Variants in XKR9 observed in about 807,000 individuals in gnomAD.
The protein encoded by XKR9 is XK related 9.
Under a neutral mutation model 32.0 loss-of-function variants are expected in XKR9, and 32 were observed. The observed-to-expected ratio is 1.00, with a 90% confidence interval of 0.76 to 1.34. XKR9 has a LOEUF of 1.34. Ranked by LOEUF, XKR9 falls within the 40% of genes most tolerant of loss-of-function variation. The pLI is 0.00. For missense variants in XKR9, 546 were observed against 429.7 expected, an observed-to-expected ratio of 1.27 and a Z score of -2.39; for synonymous variants, 168 against 143.4, an observed-to-expected ratio of 1.17 and a Z score of -1.22.
At chr8:70,676,540 G>A (rs747257619) in intron 2 of XKR9, among the ~76,000 whole-genome samples, 13 of 152,094 alleles carry the variant, frequency 8.5e-5, no homozygotes, top group Non-Finnish European at 1.6e-4. Context: ...TATCAGATCC[G>A]CCGTATGTAT....
At chr8:70,871,875 A>G in the XKR9 span, among the ~76,000 whole-genome samples, 1 of 152,242 alleles carries the variant, frequency 6.6e-6, no homozygotes, top group African/African-American at 2.4e-5. Flanking sequence ...CAAATTGTGA[A>G]TGCAAAGAAA....
chr8:70,690,850 G>C (rs143734844), intron 3 of XKR9, among the ~76,000 whole-genome samples: 1 of 152,052 alleles, frequency 6.6e-6, no homozygotes, highest in East Asian at 1.9e-4. Flanking sequence ...AGGTGATTCT[G>C]TGTCTTTGCT....
At chr8:71,057,330 C>T in the XKR9 span, among the ~76,000 whole-genome samples, 3 of 152,154 alleles carry the variant, frequency 2.0e-5, no homozygotes, top group Non-Finnish European at 4.4e-5. Context: ...ATGTCATCTG[C>T]TCATCCACTA....
intron 2 of XKR9, among the ~76,000 whole-genome samples, chr8:70,748,811 T>C (rs1807094433): frequency 6.6e-6 from 1 of 152,156 alleles, no homozygotes; most frequent in Non-Finnish European, 1.5e-5. Flanking sequence ...TGGCTGCCCA[T>C]GGACCAATCA....
intron 4 of XKR9, 117 bp from the exon 5 acceptor site, chr8:70,733,679 T>C: frequency 4.1e-6 from 4 of 968,484 alleles, no homozygotes; most frequent in Middle Eastern, 3.5e-4. Context: ...ATGAGAAGAG[T>C]AAAGTATGTG....
At chr8:70,825,878 CA>C in the XKR9 span, among the ~76,000 whole-genome samples, 1 of 151,864 alleles carries the variant, frequency 6.6e-6, no homozygotes, top group Admixed American at 6.6e-5. Context: ...AACACAATGC[CA>C]AAAAATGGAA....
chr8:70,993,051 A>AT, the XKR9 span, among the ~76,000 whole-genome samples: 4 of 152,108 alleles, frequency 2.6e-5, no homozygotes, highest in African/African-American at 4.8e-5. Context: ...TTATTATGTG[A>AT]TTTTTTTAGT....
At chr8:70,956,764 G>C in the XKR9 span, among the ~76,000 whole-genome samples, 1 of 152,176 alleles carries the variant, frequency 6.6e-6, no homozygotes. Context: ...CAGCACCCAG[G>C]TTTGGCCATA....
At chr8:70,883,187 T>A in the XKR9 span, among the ~76,000 whole-genome samples, 3 of 151,626 alleles carry the variant, frequency 2.0e-5, no homozygotes, top group Non-Finnish European at 4.4e-5. Context: ...TGTCCTTGAG[T>A]CCTCATAGCT....
At chr8:70,938,356 T>C in the XKR9 span, among the ~76,000 whole-genome samples, 7 of 151,864 alleles carry the variant, frequency 4.6e-5, no homozygotes, top group South Asian at 2.1e-4. Flanking sequence ...AAAGATGGAA[T>C]AGGGTGTAGA....
At chr8:71,033,015 T>A in the XKR9 span, among the ~76,000 whole-genome samples, 3 of 145,686 alleles carry the variant, frequency 2.1e-5, no homozygotes, top group African/African-American at 7.7e-5. Flanking sequence ...ACCCGGGAGG[T>A]GGAGGTTGCA....
intron 4 of XKR9, among the ~76,000 whole-genome samples, chr8:70,724,698 G>T (rs1806403002): frequency 6.6e-6 from 1 of 152,046 alleles, no homozygotes. Context: ...GCTCTCCATG[G>T]TCTGCACTCA....
chr8:70,916,055 G>C, the XKR9 span, among the ~76,000 whole-genome samples: 1 of 152,240 alleles, frequency 6.6e-6, no homozygotes, highest in Admixed American at 6.5e-5. Flanking sequence ...CCCATAACCT[G>C]TGATGCCACC....
At chr8:70,738,614 T>C (rs951947908), downstream of XKR9, among the ~76,000 whole-genome samples, 3 of 152,096 alleles carry the variant, frequency 2.0e-5, no homozygotes, top group Non-Finnish European at 2.9e-5. Flanking sequence ...TTTAGTGCTA[T>C]AAATTTCCCT....
the XKR9 span, among the ~76,000 whole-genome samples, chr8:70,828,124 T>C: frequency 6.6e-6 from 1 of 152,212 alleles, no homozygotes; most frequent in East Asian, 1.9e-4. Context: ...GTTAGGGTTT[T>C]GTTTCAACTT....
chr8:70,815,660 G>A, the XKR9 span, among the ~76,000 whole-genome samples: 3 of 152,020 alleles, frequency 2.0e-5, no homozygotes, highest in African/African-American at 7.2e-5. Flanking sequence ...CGAGTAGCTG[G>A]GACTACAGGC....
At chr8:70,935,189 A>G in the XKR9 span, among the ~76,000 whole-genome samples, 2 of 71,978 alleles carry the variant, frequency 2.8e-5, no homozygotes, top group Non-Finnish European at 5.1e-5. Flanking sequence ...ATATACATAT[A>G]TATATACATA....
At chr8:70,848,714 T>A in the XKR9 span, among the ~76,000 whole-genome samples, 1 of 142,786 alleles carries the variant, frequency 7.0e-6, no homozygotes, top group Admixed American at 7.5e-5. Flanking sequence ...AAGACACATG[T>A]AGGCTCAAAA....
intron 3 of XKR9, among the ~76,000 whole-genome samples, chr8:70,688,485 C>T (rs183917823): frequency 6.6e-6 from 1 of 151,690 alleles, no homozygotes; most frequent in African/African-American, 2.4e-5. Flanking sequence ...GGTGCGATCT[C>T]AGGTCACTGC....
Sources: allele counts gnomAD v4.1 joint callset (sites outside exome capture counted in the v4.1 genomes callset), GRCh38; gene constraint gnomAD v4.1.1; transcripts MANE v1.5; gene names NCBI Gene and HGNC (gene_info 2026-07-23, HGNC 2026-07-21).